Variants in CNBD1 observed in about 807,000 individuals in gnomAD.
CNBD1 encodes the protein cyclic nucleotide binding domain containing 1, also known as cyclic nucleotide-binding domain-containing protein 1.
In CNBD1, 71 loss-of-function variants were observed where a neutral mutation model predicts 54.4. The ratio of observed to expected loss-of-function variants is 1.30; its 90% CI spans 1.08 to 1.59. The LOEUF (loss-of-function observed/expected upper bound fraction) is 1.59, where lower values mean the gene tolerates loss of function less well. CNBD1 is among the 40% of genes most tolerant of loss of function. The pLI is 0.00. For synonymous variants in CNBD1, 182 were observed against 170.7 expected, an observed-to-expected ratio of 1.07 and a Z score of -0.51; for missense variants, 659 against 518.0, an observed-to-expected ratio of 1.27 and a Z score of -2.64.
chr8:87,107,952 T>G (rs960860569), intron 4 of CNBD1, among the ~76,000 whole-genome samples: 1 of 152,222 alleles, frequency 6.6e-6, no homozygotes, highest in African/African-American at 2.4e-5. Flanking sequence ...TCTCTTCAAA[T>G]AGTATGCTTA....
chr8:87,132,534 A>T (rs1313955718), intron 4 of CNBD1, among the ~76,000 whole-genome samples: 1 of 150,158 alleles, frequency 6.7e-6, no homozygotes, highest in African/African-American at 2.4e-5. Flanking sequence ...GCTTGCTGAG[A>T]TTCTTAAAAC....
intron 4 of CNBD1, among the ~76,000 whole-genome samples, chr8:87,016,524 T>G (rs977645824): frequency 6.6e-6 from 1 of 150,882 alleles, no homozygotes; most frequent in Non-Finnish European, 1.5e-5. Flanking sequence ...ATAGTTGATA[T>G]AGGGAAAGGG....
chr8:87,165,186 T>C (rs964655770), intron 4 of CNBD1, among the ~76,000 whole-genome samples: 3 of 151,982 alleles, frequency 2.0e-5, no homozygotes, highest in African/African-American at 7.2e-5. Context: ...ACGTATGATT[T>C]ATTCTGAACA....
chr8:87,096,421 AACC>A (rs1811322350), intron 4 of CNBD1, among the ~76,000 whole-genome samples: 1 of 151,086 alleles, frequency 6.6e-6, no homozygotes, highest in South Asian at 2.1e-4. Context: ...GACCTAATTT[AACC>A]TTAATTACCA....
chr8:87,102,801 A>C (rs533319760), intron 4 of CNBD1, among the ~76,000 whole-genome samples: 39 of 152,126 alleles, frequency 2.6e-4, no homozygotes, highest in South Asian at 6.2e-4. Context: ...TTTTTAGTAG[A>C]GACGGGGTTT....
At chr8:87,232,361 G>C (rs1807462476) in intron 5 of CNBD1, among the ~76,000 whole-genome samples, 1 of 152,110 alleles carries the variant, frequency 6.6e-6, no homozygotes, top group Admixed American at 6.6e-5. Flanking sequence ...TATTTTTACA[G>C]AGTAATTGTA....
intron 4 of CNBD1, among the ~76,000 whole-genome samples, chr8:87,017,737 T>C (rs1353331659): frequency 2.0e-5 from 3 of 152,114 alleles, no homozygotes; most frequent in East Asian, 1.9e-4. Context: ...TTAAAATATA[T>C]GTATATATAT....
intron 4 of CNBD1, among the ~76,000 whole-genome samples, chr8:86,976,703 T>C (rs935157170): frequency 6.6e-6 from 1 of 152,018 alleles, no homozygotes; most frequent in Non-Finnish European, 1.5e-5. Flanking sequence ...GTGTTTTCTT[T>C]CACCAGTGTC....
At chr8:87,183,929 G>T (rs1053775707) in intron 4 of CNBD1, among the ~76,000 whole-genome samples, 2 of 152,178 alleles carry the variant, frequency 1.3e-5, no homozygotes, top group African/African-American at 4.8e-5. Context: ...GGCATTCCCA[G>T]TTCACTGGCG....
chr8:87,310,116 A>G (rs1809233661), intron 8 of CNBD1, among the ~76,000 whole-genome samples: 1 of 152,118 alleles, frequency 6.6e-6, no homozygotes, highest in Non-Finnish European at 1.5e-5. Context: ...GCATTTTGGG[A>G]GGCCAAAGTG....
chr8:87,151,617 C>T (rs1417702330), intron 4 of CNBD1, among the ~76,000 whole-genome samples: 2 of 152,146 alleles, frequency 1.3e-5, no homozygotes, highest in South Asian at 4.1e-4. Flanking sequence ...AGGTATGAGA[C>T]AACACTTATG....
At chr8:87,034,621 G>A (rs1586212243) in intron 4 of CNBD1, among the ~76,000 whole-genome samples, 1 of 152,206 alleles carries the variant, frequency 6.6e-6, no homozygotes. Context: ...TTTATAATTT[G>A]TGTATATTTT....
At chr8:87,364,959 G>A (rs192477792) in intron 10 of CNBD1, among the ~76,000 whole-genome samples, 1 of 152,058 alleles carries the variant, frequency 6.6e-6, no homozygotes, top group Non-Finnish European at 1.5e-5. Flanking sequence ...ACATCGCTGT[G>A]CATGTGTCTT....
At chr8:87,102,299 A>G (rs1004427564) in intron 4 of CNBD1, among the ~76,000 whole-genome samples, 5 of 152,146 alleles carry the variant, frequency 3.3e-5, no homozygotes, top group Non-Finnish European at 7.4e-5. Context: ...GACATAGTTT[A>G]CTTACAGTAA....
intron 4 of CNBD1, among the ~76,000 whole-genome samples, chr8:86,981,998 C>T (rs373774358): frequency 9.5e-4 from 144 of 152,248 alleles, no homozygotes; most frequent in Admixed American, 1.5e-3. Context: ...CATTTTCTAA[C>T]GGAGGTGTAC....
intron 3 of CNBD1, among the ~76,000 whole-genome samples, chr8:86,912,626 AATG>A (rs760990362): frequency 3.9e-5 from 6 of 152,216 alleles, no homozygotes; most frequent in Non-Finnish European, 7.3e-5. Context: ...AATACTTGAT[AATG>A]ATGACTAAAG....
intron 10 of CNBD1, among the ~76,000 whole-genome samples, chr8:87,371,811 T>G (rs1295382403): frequency 6.6e-6 from 1 of 151,908 alleles, no homozygotes; most frequent in African/African-American, 2.4e-5. Flanking sequence ...AAACTCTCAA[T>G]AAATTAGGTA....
chr8:87,104,978 C>T lies in CNBD1; in HGVS notation c.432-101015C>T, dbSNP rs184571451. Among the ~76,000 whole-genome samples, 16 of 152,168 alleles carry T rather than the reference C, an allele frequency of 1.1e-4. No individual in the cohort carries two copies. In the East Asian group the frequency reaches 1.9e-3, roughly 18 times the overall value. The stretch of plus-strand genomic sequence containing the variant: ...ATGGAGTTTAATAATTTTTATTTCA[C>T]GGTATGAAATTTTATATAGTTTTTT... On this transcript the variant is annotated intron_variant, in intron 4 of 10. Coordinates refer to ENST00000518476, the MANE Select transcript of CNBD1 (RefSeq NM_173538.3).
chr8:86,882,492 T>C (rs935426588), intron 1 of CNBD1, among the ~76,000 whole-genome samples: 5 of 151,996 alleles, frequency 3.3e-5, no homozygotes, highest in African/African-American at 9.7e-5. Context: ...CCAGTCAGAA[T>C]AGCTGTTATT....
Sources: gnomAD v4.1 joint callset for allele counts (sites outside exome capture counted in the v4.1 genomes callset) on GRCh38, gnomAD v4.1.1 for gene constraint, MANE v1.5 for transcripts, NCBI Gene and HGNC (gene_info 2026-07-23, HGNC 2026-07-21) for gene names.